ZC3H7B: variants seen among roughly 807,000 people sequenced by gnomAD.
ZC3H7B encodes zinc finger CCCH-type containing 7B.
A neutral mutation model predicts 116.0 loss-of-function variants in ZC3H7B; 35 were observed. That is an observed-to-expected ratio of 0.30 (90% CI 0.23 to 0.40). The LOEUF (loss-of-function observed/expected upper bound fraction) is 0.40. Ranked by LOEUF, ZC3H7B falls within the 10% of genes least tolerant of loss-of-function variation. ZC3H7B has a pLI of 1.00. For synonymous variants in ZC3H7B, 502 were observed against 545.6 expected (o/e 0.92, Z 1.11); for missense variants, 1,011 against 1,321.5 (o/e 0.77, Z 3.64).
chr22:41,312,439 G>A (rs9611553), intron 1 of ZC3H7B, among the ~76,000 whole-genome samples: 1,013 of 12,078 alleles, frequency 0.084, 15 homozygotes, highest in African/African-American at 0.23. Flanking sequence ...CTGTCTTAAT[G>A]ATAATAATAA....
intron 1 of ZC3H7B, among the ~76,000 whole-genome samples, chr22:41,309,575 A>G (rs2036091942): frequency 6.6e-6 from 1 of 151,968 alleles, no homozygotes; most frequent in South Asian, 2.1e-4. Flanking sequence ...TCAGCCTCCC[A>G]AAGTGCTGGG....
In ZC3H7B at chr22:41,335,404, GA is replaced by G. The variant is rs1389720689; in HGVS notation, c.583-2908del. 5.2e-5 allele frequency: 8 copies of G among 152,420 alleles called. 1 individual carries two copies. The highest frequency in any genetic ancestry group is 1.0e-4 in the Non-Finnish European group (7 of 68,098). 9.4% of individuals were successfully genotyped at this position (152,420 alleles called of 1,614,324 possible). A position where few individuals can be genotyped will look rare whatever the true frequency, so the allele number is the denominator to read the frequency against. ...GTTGCCAAACAGATGTCACCAGAAG[GA>G]GTGCCATGCAGAAGGGCAGGAACAG... On this transcript the variant is annotated intron_variant, in intron 7 of 22. Transcript: ENST00000352645.
At position 41,359,801 on chromosome 22, in the gene ZC3H7B, GT is replaced by G. The variant is rs1425802111; in HGVS notation, c.*2374del. 2 of 151,020 alleles carry G rather than the reference GT, an allele frequency of 1.3e-5. No homozygotes were observed. Among genetic ancestry groups the G allele is most frequent in the African/African-American group, 4.9e-5 (2 of 40,850 alleles). The allele number at this position is 151,020 out of a possible 1,614,324, so 9.4% of individuals were successfully genotyped here. ...TTTAATGATGAGGGTAACTATTTCAGTTGTGAGCCTTCTAGGGCCCCAGGCT... is the reference window on the plus strand; with the variant it reads ...TTTAATGATGAGGGTAACTATTTCAGTGTGAGCCTTCTAGGGCCCCAGGCT... On this transcript the variant is annotated 3_prime_UTR_variant, in exon 23 of 23. Transcript: ENST00000352645.
chr22:41,357,055 G>T lies in ZC3H7B; in HGVS notation c.2682-122G>T. ...GTCAGGACACCCAGGTTTTCCCTGA[G>T]CTGGGACCCAGCTGCCCAGGGAGAG... On this transcript the variant is annotated intron_variant, in intron 22 of 22. Coordinates refer to ENST00000352645, the MANE Select transcript of ZC3H7B (RefSeq NM_017590.6). This position sits in a 1 kb window ranked among gnomAD's most constrained non-coding sequence, Gnocchi z 5.4. The T allele has an allele frequency of 6.7e-7, 1 of 1,486,206 alleles. No individual in the cohort carries two copies. Among genetic ancestry groups the T allele is most frequent in the Non-Finnish European group, 9.0e-7 (1 of 1,114,988 alleles). The allele number at this position is 1,486,206 out of a possible 1,614,324, so 92.1% of individuals were successfully genotyped here.
chr22:41,346,155 A>G lies in ZC3H7B; in HGVS notation c.1612A>G (p.Thr538Ala). ...GGGGGGTGTTAAGCGCGGCAGCCTC[A>G]CCATCGCCAAGCTCCTGAAGGAGCA... ...PLGGVKRGSL[T>A]IAKLLKEHQG... The change falls in exon 14 of 23, where the codon ACC becomes GCC. Residue 538 changes from threonine (T) to alanine (A), a missense_variant. Thr to Ala is a moderately conservative substitution (Grantham distance 58). Around this residue, in one of 5 missense-constraint regions of ZC3H7B, gnomAD observed 179 missense variants for 178.5 expected, o/e 1.00. Transcript: ENST00000352645. The surrounding 1 kb of genome is among the most constrained non-coding windows in gnomAD (Gnocchi z 5.3). The G allele has an allele frequency of 1.2e-6, 2 of 1,612,650 alleles. No homozygotes were observed. Among genetic ancestry groups the G allele is most frequent in the Non-Finnish European group, 1.7e-6 (2 of 1,179,940 alleles).
intron 7 of ZC3H7B, chr22:41,336,664 A>G (rs1224542802): frequency 1.3e-5 from 2 of 150,534 alleles, no homozygotes; most frequent in African/African-American, 5.0e-5. Context: ...CTCCATCTCA[A>G]AGAAAAAAAA....
chr22:41,314,448 C>T (rs565142221), intron 1 of ZC3H7B, among the ~76,000 whole-genome samples: 52 of 151,898 alleles, frequency 3.4e-4, no homozygotes, highest in Admixed American at 1.8e-3. Flanking sequence ...TGAGCCACTG[C>T]GCCCAACCTA....
intron 2 of ZC3H7B, 123 bp from the exon 3 acceptor site, chr22:41,325,441 G>A (rs146459629): frequency 1.6e-5 from 21 of 1,306,846 alleles, no homozygotes; most frequent in African/African-American, 4.4e-5. Flanking sequence ...GAAGAAAACC[G>A]CAGTCTGTTC....
intron 14 of ZC3H7B, 94 bp from the exon 15 acceptor site, chr22:41,347,973 C>T: frequency 9.3e-7 from 1 of 1,077,060 alleles, no homozygotes; most frequent in Non-Finnish European, 1.4e-6. Flanking sequence ...TTGCAGGGAC[C>T]CAGCTGTCCT....
intron 1 of ZC3H7B, among the ~76,000 whole-genome samples, chr22:41,306,396 G>A (rs1423615001): frequency 7.2e-6 from 1 of 139,258 alleles, no homozygotes; most frequent in Non-Finnish European, 1.5e-5. Context: ...TTTTTGAGAC[G>A]GAGTTCCACT....
intron 13 of ZC3H7B, among the ~76,000 whole-genome samples, chr22:41,345,460 C>T (rs1416834985): frequency 5.9e-5 from 9 of 152,066 alleles, no homozygotes; most frequent in Admixed American, 4.6e-4. Context: ...TGGCGGGTGC[C>T]TGTAATCCCA....
intron 1 of ZC3H7B, among the ~76,000 whole-genome samples, chr22:41,306,350 T>C (rs2036040840): frequency 6.6e-6 from 1 of 152,068 alleles, no homozygotes; most frequent in South Asian, 2.1e-4. Flanking sequence ...CAAGTGCTTT[T>C]TCCTAAATTA....
chr22:41,347,847 G>T (rs974733108), intron 14 of ZC3H7B, among the ~76,000 whole-genome samples: 2 of 152,174 alleles, frequency 1.3e-5, no homozygotes, highest in African/African-American at 4.8e-5. Context: ...GGATCAGAGG[G>T]AGGGAGGAGG....
chr22:41,329,973 T>G, intron 5 of ZC3H7B, 50 bp from the exon 6 acceptor site: 1 of 1,597,736 alleles, frequency 6.3e-7, no homozygotes, highest in Non-Finnish European at 8.6e-7. Context: ...GAGCACAGCT[T>G]TGTGAGCCCG....
chr22:41,340,691 G>A (rs2036510995), intron 10 of ZC3H7B, among the ~76,000 whole-genome samples: 1 of 152,150 alleles, frequency 6.6e-6, no homozygotes, highest in African/African-American at 2.4e-5. Flanking sequence ...GTGATGACTA[G>A]GCAGGGTCTT....
rs2036722675 is a variant in ZC3H7B at position 41,356,645 on chromosome 22, A to T, written c.2518A>T (p.Met840Leu). ...QMPTDYADIM[M>L]GYHCWLCGKN... is the part of the protein sequence containing the mutation. Reference sequence around the variant, plus strand: ...GCACCCATGATGGCTGTGCTCCCAGATGGGCTACCACTGCTGGCTCTGCGG... The same window carrying T: ...GCACCCATGATGGCTGTGCTCCCAGTTGGGCTACCACTGCTGGCTCTGCGG... Residue 840 changes from methionine (M) to leucine (L), a missense_variant and splice_region_variant, in exon 22 of 23, where the codon ATG (methionine) becomes TTG (leucine). Physicochemically the swap from Met to Leu is conservative, Grantham distance 15 (BLOSUM62 2). Around this residue, in one of 5 missense-constraint regions of ZC3H7B, gnomAD observed 406 missense variants for 590.2 expected, o/e 0.69. Coordinates refer to ENST00000352645, the MANE Select transcript of ZC3H7B (RefSeq NM_017590.6). 6.2e-7 allele frequency: 1 copy of T among 1,613,336 alleles called. No individual in the cohort carries two copies.
Position 41,351,766 on chromosome 22 carries a change from TATGAAAGTA to T in ZC3H7B, c.2034+122_2034+130del. ...TACAATGGAGGCACCTCGAATAAGT[TATGAAAGTA>T]ACTTGGATAATGTACACATTCAGCT... On this transcript the variant is annotated intron_variant, in intron 17 of 22. Transcript: ENST00000352645. The surrounding 1 kb of genome is among the most constrained non-coding windows in gnomAD (Gnocchi z 5.1). 1.1e-6 allele frequency: 1 copy of T among 883,750 alleles called. No individual in the cohort carries two copies. Among genetic ancestry groups the T allele is most frequent in the Non-Finnish European group, 1.7e-6 (1 of 572,636 alleles). The allele number at this position is 883,750 out of a possible 1,614,324, so 54.7% of individuals were successfully genotyped here.
chr22:41,354,423 C>G (rs2036687995), intron 17 of ZC3H7B, among the ~76,000 whole-genome samples: 1 of 152,192 alleles, frequency 6.6e-6, no homozygotes, highest in African/African-American at 2.4e-5. Flanking sequence ...GGCCAGGGGT[C>G]AGTCAGCAAT....
chr22:41,339,341 T>G (rs1455980442), intron 9 of ZC3H7B, 150 bp downstream of exon 9: 2 of 998,774 alleles, frequency 2.0e-6, no homozygotes, highest in African/African-American at 3.3e-5. Flanking sequence ...GAAATGAAGC[T>G]GCACACTGGG....
Sources: allele counts gnomAD v4.1 joint callset (sites outside exome capture counted in the v4.1 genomes callset), GRCh38; gene constraint gnomAD v4.1.1; regional missense constraint gnomAD v4.1.1; non-coding constraint Gnocchi (gnomAD v3.1); transcripts MANE v1.5; gene names NCBI Gene and HGNC (gene_info 2026-07-23, HGNC 2026-07-21).